SUPT3H: variants seen among roughly 807,000 people sequenced by gnomAD.
The protein encoded by SUPT3H is transcription initiation protein SPT3 homolog.
In SUPT3H, 44 loss-of-function variants were observed where a neutral mutation model predicts 44.3. That is an observed-to-expected ratio of 0.99 (90% CI 0.78 to 1.28). The LOEUF (loss-of-function observed/expected upper bound fraction) is 1.28. Among genes scored for constraint, SUPT3H ranks in the 50% most tolerant of loss-of-function variants. SUPT3H has a pLI of 0.00. For synonymous variants in SUPT3H, 124 were observed against 125.6 expected, an observed-to-expected ratio of 0.99 and a Z score of 0.09; for missense variants, 380 against 387.1, an observed-to-expected ratio of 0.98 and a Z score of 0.15.
chr6:44,826,843 C>T lies in SUPT3H; in HGVS notation c.*2973G>A, dbSNP rs1373818851. On this transcript the variant is annotated 3_prime_UTR_variant, in exon 11 of 11. Coordinates refer to ENST00000371459, the MANE Select transcript of SUPT3H (RefSeq NM_003599.4). ...AAAGAACAGCAATAAATGAAGGGTT[C>T]TCCCCAGATACAGGAATTATATACA... Among the ~76,000 whole-genome samples the T allele has an allele frequency of 6.6e-6, 1 of 152,254 alleles. No individual in the cohort carries two copies. Among genetic ancestry groups the T allele is most frequent in the African/African-American group, 2.4e-5 (1 of 41,562 alleles).
intron 2 of SUPT3H, among the ~76,000 whole-genome samples, chr6:45,178,675 C>T (rs1812500106): frequency 1.3e-5 from 2 of 152,062 alleles, no homozygotes; most frequent in African/African-American, 4.8e-5. Context: ...GTAAAGCTCT[C>T]CTCAGCAAAT....
At chr6:44,968,683 T>C (rs1777123577) in intron 6 of SUPT3H, among the ~76,000 whole-genome samples, 1 of 152,154 alleles carries the variant, frequency 6.6e-6, no homozygotes, top group Non-Finnish European at 1.5e-5. Flanking sequence ...CAACCTATCC[T>C]GCATACTAGT....
intron 2 of SUPT3H, among the ~76,000 whole-genome samples, chr6:45,209,636 G>C (rs181698580): frequency 1.3e-5 from 2 of 152,204 alleles, no homozygotes; most frequent in African/African-American, 4.8e-5. Flanking sequence ...GATGAAATCT[G>C]TTCCTGGTGA....
At chr6:45,126,876 G>A (rs1289513558) in intron 2 of SUPT3H, among the ~76,000 whole-genome samples, 1 of 152,044 alleles carries the variant, frequency 6.6e-6, no homozygotes, top group Admixed American at 6.5e-5. Context: ...GGGAAGAGAC[G>A]ATGCGAGGAG....
chr6:45,177,363 T>A (rs1158490026), intron 2 of SUPT3H, among the ~76,000 whole-genome samples: 1 of 151,928 alleles, frequency 6.6e-6, no homozygotes, highest in Non-Finnish European at 1.5e-5. Context: ...AAGGGAAGTT[T>A]AGAGAAAAAA....
intron 3 of SUPT3H, among the ~76,000 whole-genome samples, chr6:45,070,180 G>A (rs769767714): frequency 7.2e-5 from 11 of 151,946 alleles, no homozygotes; most frequent in Non-Finnish European, 1.5e-4. Flanking sequence ...GATTGACTTC[G>A]CATAATCTGG....
chr6:44,859,477 G>A (rs1774260225), intron 10 of SUPT3H, among the ~76,000 whole-genome samples: 1 of 152,084 alleles, frequency 6.6e-6, no homozygotes, highest in Non-Finnish European at 1.5e-5. Context: ...TCATAAGAGT[G>A]TTATATCCTG....
intron 3 of SUPT3H, among the ~76,000 whole-genome samples, chr6:45,065,659 C>A (rs1159012608): frequency 1.3e-5 from 2 of 150,990 alleles, no homozygotes; most frequent in Admixed American, 6.6e-5. Context: ...ATACAAACTA[C>A]CATCAGATAA....
chr6:44,976,742 A>T (rs564739438), intron 6 of SUPT3H, among the ~76,000 whole-genome samples: 6 of 152,208 alleles, frequency 3.9e-5, no homozygotes, highest in African/African-American at 1.4e-4. Flanking sequence ...CTTTAAAATA[A>T]TTGTGGGTGT....
At position 45,145,651 on chromosome 6, in the gene SUPT3H, AATAAAG is replaced by A. The variant is rs370996599; in HGVS notation, c.102-39651_102-39646del. On this transcript the variant is annotated intron_variant, in intron 2 of 10. Transcript: ENST00000371459. ...AAAACCCAAAAGCAAATGCAACAAA[AATAAAG>A]ATAAATAGATGGGACTTAATTAAAC... 2.6e-3 allele frequency among the ~76,000 whole-genome samples: 392 copies of A among 152,180 alleles called. 4 individuals are homozygous for A. The highest frequency in any genetic ancestry group is 8.6e-3 in the African/African-American group (357 of 41,544).
intron 2 of SUPT3H, among the ~76,000 whole-genome samples, chr6:45,174,084 A>C (rs566723894): frequency 1.3e-4 from 20 of 152,328 alleles, no homozygotes; most frequent in Non-Finnish European, 2.2e-4. Flanking sequence ...TAACCTTTCA[A>C]TCTAGCTGAC....
intron 10 of SUPT3H, among the ~76,000 whole-genome samples, chr6:44,910,191 C>A (rs573808112): frequency 1.2e-3 from 187 of 152,154 alleles, no homozygotes; most frequent in Non-Finnish European, 1.7e-3. Context: ...TCTCTCTTTT[C>A]CCCTACACCT....
chr6:45,106,780 C>A (rs1243285628), intron 2 of SUPT3H, among the ~76,000 whole-genome samples: 1 of 152,178 alleles, frequency 6.6e-6, no homozygotes, highest in Admixed American at 6.5e-5. Context: ...AGGTGATCCA[C>A]CCACCTTGGC....
intron 6 of SUPT3H, among the ~76,000 whole-genome samples, chr6:44,974,177 T>C (rs1003967166): frequency 6.6e-6 from 1 of 152,112 alleles, no homozygotes; most frequent in African/African-American, 2.4e-5. Context: ...GTGTATATGC[T>C]GGGTGGGGTA....
At chr6:44,899,969 A>G (rs964793292) in intron 10 of SUPT3H, among the ~76,000 whole-genome samples, 3 of 152,204 alleles carry the variant, frequency 2.0e-5, no homozygotes, top group African/African-American at 7.2e-5. Flanking sequence ...TACCTTGATG[A>G]TTAAGATACA....
chr6:44,866,639 A>G (rs1362851442), intron 10 of SUPT3H, among the ~76,000 whole-genome samples: 1 of 152,190 alleles, frequency 6.6e-6, no homozygotes, highest in Non-Finnish European at 1.5e-5. Flanking sequence ...CTTTTTCTGC[A>G]GCAGCTGGTG....
In SUPT3H at chr6:44,889,553, A is replaced by G. The variant is rs141047200; in HGVS notation, c.912+43100T>C. ...ATAAATGGTGCTGGGAAAACTGGCT[A>G]GCCACATGTAGAAAGCTGAAACTGG... On this transcript the variant is annotated intron_variant, in intron 10 of 10. Transcript: ENST00000371459. Among the ~76,000 whole-genome samples the G allele has an allele frequency of 4.5e-4, 69 of 152,370 alleles. No individual in the cohort carries two copies. The East Asian group carries it at 0.013, about 28-fold the overall frequency.
chr6:45,267,689 C>T (rs747541425), intron 2 of SUPT3H, among the ~76,000 whole-genome samples: 14 of 152,146 alleles, frequency 9.2e-5, no homozygotes, highest in Non-Finnish European at 1.5e-4. Flanking sequence ...TTCTCTGCCT[C>T]TTGACTTTAA....
At chr6:45,024,422 A>G (rs1279821047) in intron 3 of SUPT3H, among the ~76,000 whole-genome samples, 4 of 151,926 alleles carry the variant, frequency 2.6e-5, no homozygotes, top group Admixed American at 2.6e-4. Flanking sequence ...TGCTATTTCC[A>G]CCATATTTGT....
Sources: allele counts gnomAD v4.1 joint callset (sites outside exome capture counted in the v4.1 genomes callset), GRCh38; gene constraint gnomAD v4.1.1; transcripts MANE v1.5; gene names NCBI Gene and HGNC (gene_info 2026-07-23, HGNC 2026-07-21).